Variants in VPS13B observed in about 807,000 individuals in gnomAD.
The protein encoded by VPS13B is intermembrane lipid transfer protein VPS13B.
Under a neutral mutation model 426.4 loss-of-function variants are expected in VPS13B, and 285 were observed. The ratio of observed to expected loss-of-function variants is 0.67; its 90% CI spans 0.61 to 0.74. VPS13B has a LOEUF of 0.74. VPS13B is among the 30% of genes least tolerant of loss of function. The pLI is 0.00. For missense variants in VPS13B, 4,537 were observed against 4,782.6 expected (o/e 0.95, Z 1.51); for synonymous variants, 1,676 against 1,676.4 (o/e 1.00, Z 0.01).
intron 20 of VPS13B, among the ~76,000 whole-genome samples, chr8:99,391,311 A>T (rs1453679265): frequency 2.6e-5 from 4 of 151,808 alleles, no homozygotes; most frequent in African/African-American, 9.7e-5. Context: ...TTTAAAATTT[A>T]AGTGGATAAG....
At chr8:99,265,679 A>C (rs1202867004) in intron 17 of VPS13B, among the ~76,000 whole-genome samples, 1 of 152,172 alleles carries the variant, frequency 6.6e-6, no homozygotes, top group African/African-American at 2.4e-5. Context: ...TCACTAGATA[A>C]AATTTTAGTC....
intron 39 of VPS13B, among the ~76,000 whole-genome samples, chr8:99,738,086 A>C (rs549621755): frequency 2.6e-5 from 4 of 152,354 alleles, no homozygotes; most frequent in Non-Finnish European, 5.9e-5. Context: ...TAGCTCTCTT[A>C]AGACCGCTCT....
At chr8:99,253,437 C>T (rs1460010628) in intron 17 of VPS13B, among the ~76,000 whole-genome samples, 1 of 152,142 alleles carries the variant, frequency 6.6e-6, no homozygotes, top group Non-Finnish European at 1.5e-5. Flanking sequence ...ATATGACATT[C>T]CTAGCAGCAA....
chr8:99,828,392 CCGTTTT>C (rs1814823831), intron 51 of VPS13B, among the ~76,000 whole-genome samples: 21 of 47,650 alleles, frequency 4.4e-4, no homozygotes, highest in Admixed American at 9.5e-4. Context: ...ATTACAACCA[CCGTTTT>C]TTTTTTTTTT....
intron 2 of VPS13B, among the ~76,000 whole-genome samples, chr8:99,016,596 T>C (rs1053544295): frequency 7.1e-5 from 10 of 140,656 alleles, no homozygotes; most frequent in African/African-American, 2.6e-4. Context: ...CTTTTTTTTT[T>C]TTTTTTTTTT....
At chr8:99,658,270 C>T (rs780103737) in intron 34 of VPS13B, among the ~76,000 whole-genome samples, 8 of 152,058 alleles carry the variant, frequency 5.3e-5, no homozygotes, top group Middle Eastern at 3.2e-3. Context: ...TGCCTCTTCA[C>T]GTGAGGAAGG....
chr8:99,477,790 G>A (rs1246321277), intron 24 of VPS13B, among the ~76,000 whole-genome samples: 1 of 152,096 alleles, frequency 6.6e-6, no homozygotes, highest in African/African-American at 2.4e-5. Flanking sequence ...AACTTTCATT[G>A]CCATTCAGTG....
At chr8:99,789,156 C>T (rs1355299412) in intron 43 of VPS13B, among the ~76,000 whole-genome samples, 1 of 152,120 alleles carries the variant, frequency 6.6e-6, no homozygotes, top group Admixed American at 6.6e-5. Flanking sequence ...CGGAAAGCAA[C>T]AGGTTTTGAG....
Position 99,261,802 on chromosome 8 carries a change from A to C in VPS13B, c.2516-12396A>C, listed in dbSNP as rs553532691. Among the ~76,000 whole-genome samples, 85 of 152,302 alleles carry C rather than the reference A, an allele frequency of 5.6e-4. 1 individual carries two copies. The South Asian group carries it at 0.017, about 31-fold the overall frequency. ...AATGTATGTGGTTAGTGTGACAAAG[A>C]CATGTAGGAGAGATTGTGATTCATA... On this transcript the variant is annotated intron_variant, in intron 17 of 61. Transcript: ENST00000357162.
chr8:99,097,949 A>C (rs549540413), intron 4 of VPS13B, among the ~76,000 whole-genome samples: 1 of 152,258 alleles, frequency 6.6e-6, no homozygotes, highest in East Asian at 1.9e-4. Context: ...GACAGTATAC[A>C]TTTCTTTTGA....
At chr8:99,148,193 C>G (rs929894447) in intron 14 of VPS13B, among the ~76,000 whole-genome samples, 183 bp downstream of exon 14, 2 of 151,262 alleles carry the variant, frequency 1.3e-5, no homozygotes, top group African/African-American at 4.9e-5. Flanking sequence ...GCCTAGGCAA[C>G]AGCAATACCT....
intron 39 of VPS13B, among the ~76,000 whole-genome samples, chr8:99,761,219 A>G (rs560993368): frequency 1.3e-5 from 2 of 152,252 alleles, no homozygotes; most frequent in Non-Finnish European, 2.9e-5. Flanking sequence ...ATACTTTGGT[A>G]TGTATCTCCA....
At chr8:99,507,620 T>C in intron 28 of VPS13B, 2 of 1,135,370 alleles carry the variant, frequency 1.8e-6, no homozygotes, top group South Asian at 1.4e-5. Flanking sequence ...TTGCAGAAGA[T>C]GGTCCAGGCA....
Position 99,832,380 on chromosome 8 carries a change from T to C in VPS13B, c.9342T>C (p.Val3114=). The part of the protein sequence containing the change: ...NPHSGKEYFR[V]PDSATFSICP... ...TTTTTTTTTTTTAGTATTTTCGTGT[T>C]CCAGACAGTGCTACTTTTAGCATTT... The change falls in exon 52 of 62, where the codon GTT becomes GTC. Residue 3114 remains valine (V), a synonymous_variant. Transcript: ENST00000357162. The C allele has an allele frequency of 6.5e-7, 1 of 1,536,794 alleles. No homozygotes were observed. The highest frequency in any genetic ancestry group is 2.5e-5 in the East Asian group (1 of 40,596).
intron 36 of VPS13B, among the ~76,000 whole-genome samples, chr8:99,703,239 C>T (rs539639053): frequency 6.6e-6 from 1 of 152,054 alleles, no homozygotes; most frequent in Non-Finnish European, 1.5e-5. Context: ...TTCTACTTTA[C>T]CAAAAATATC....
At chr8:99,358,502 G>A (rs965262407) in intron 19 of VPS13B, among the ~76,000 whole-genome samples, 13 of 152,180 alleles carry the variant, frequency 8.5e-5, no homozygotes, top group Admixed American at 2.6e-4. Context: ...ATAAAATACC[G>A]TAACCATATG....
intron 19 of VPS13B, among the ~76,000 whole-genome samples, chr8:99,339,403 A>T (rs887419669): frequency 1.3e-5 from 2 of 152,044 alleles, no homozygotes; most frequent in Admixed American, 1.3e-4. Flanking sequence ...GAGAGAATGG[A>T]GGGGGAGTGC....
intron 19 of VPS13B, among the ~76,000 whole-genome samples, chr8:99,293,741 A>G: frequency 6.6e-6 from 1 of 152,196 alleles, no homozygotes; most frequent in Non-Finnish European, 1.5e-5. Flanking sequence ...ACATGAACAG[A>G]CACTTCTCAA....
chr8:99,368,304 G>A (rs562082091), intron 19 of VPS13B, among the ~76,000 whole-genome samples: 1 of 152,148 alleles, frequency 6.6e-6, no homozygotes, highest in East Asian at 1.9e-4. Flanking sequence ...TTCAGTTGCA[G>A]TTCTAGCTCT....
Sources: gnomAD v4.1 joint callset for allele counts (sites outside exome capture counted in the v4.1 genomes callset) on GRCh38, gnomAD v4.1.1 for gene constraint, MANE v1.5 for transcripts, NCBI Gene and HGNC (gene_info 2026-07-23, HGNC 2026-07-21) for gene names.